MYCBP2: variants seen among roughly 807,000 people sequenced by gnomAD.
The protein encoded by MYCBP2 is MYC binding protein 2.
A neutral mutation model predicts 525.3 loss-of-function variants in MYCBP2; 120 were observed. That is an observed-to-expected ratio of 0.23 (90% CI 0.20 to 0.27). The LOEUF is 0.27. Among genes scored for constraint, MYCBP2 ranks in the 10% least tolerant of loss-of-function variants. The probability of loss-of-function intolerance (pLI) is 1.00; values close to 1 mark genes in which losing one functional copy is unlikely to be tolerated. For synonymous variants in MYCBP2, 1,894 were observed against 1,955.8 expected, an observed-to-expected ratio of 0.97 and a Z score of 0.83; for missense variants, 4,149 against 5,657.1, an observed-to-expected ratio of 0.73 and a Z score of 8.55.
chr13:77,097,354 C>A lies in MYCBP2; in HGVS notation c.9784+16G>T. On this transcript the variant is annotated intron_variant, in intron 56 of 82. Coordinates refer to ENST00000544440, the MANE Select transcript of MYCBP2 (RefSeq NM_015057.5). ...AGAAAAAAGCACTTATACGTACATT[C>A]AACAGTATCATTTACCTGGGTGAGC... is the stretch of plus-strand genomic sequence containing the variant. 2.5e-6 allele frequency: 4 copies of A among 1,581,182 alleles called. No homozygotes were observed. Among genetic ancestry groups the A allele is most frequent in the Non-Finnish European group, 2.6e-6 (3 of 1,168,468 alleles).
intron 32 of MYCBP2, among the ~76,000 whole-genome samples, chr13:77,182,485 C>G (rs1372170707): frequency 1.3e-5 from 2 of 152,178 alleles, no homozygotes; most frequent in African/African-American, 4.8e-5. Context: ...GTACACATTA[C>G]CTAGTCCTTC....
intron 37 of MYCBP2, among the ~76,000 whole-genome samples, chr13:77,172,102 C>T (rs1595111807): frequency 6.6e-6 from 1 of 151,986 alleles, no homozygotes; most frequent in African/African-American, 2.4e-5. Flanking sequence ...GGTTTCACCA[C>T]GTTGGCCAGG....
chr13:77,243,264 T>G (rs2069201227), intron 16 of MYCBP2, 104 bp from the exon 17 acceptor site: 1 of 852,514 alleles, frequency 1.2e-6, no homozygotes, highest in Non-Finnish European at 1.9e-6. Flanking sequence ...GCAAAAACAT[T>G]GTCTAAAACA....
Position 77,082,519 on chromosome 13 carries a change from G to A in MYCBP2, c.11036+513C>T, listed in dbSNP as rs1470313170. Among the ~76,000 whole-genome samples, 3 of 152,106 alleles carry A rather than the reference G, an allele frequency of 2.0e-5. No individual in the cohort carries two copies. The East Asian group carries it at 5.8e-4, about 29-fold the overall frequency. On this transcript the variant is annotated intron_variant, in intron 63 of 82. Transcript: ENST00000544440. ...GAATTTATTTATAAGTGTGAGTCCA[G>A]TATGTGAATCTAGTAACAAGGTTCA...
chr13:77,098,715 T>C lies in MYCBP2; in HGVS notation c.8439A>G (p.Pro2813=), dbSNP rs772068016. 9 of 1,613,420 alleles carry C rather than the reference T, an allele frequency of 5.6e-6. No individual in the cohort carries two copies. The highest frequency in any genetic ancestry group is 6.8e-6 in the Non-Finnish European group (8 of 1,179,696). The stretch of plus-strand genomic sequence containing the variant: ...GAGATGACAACCGAGAACCTGGTCC[T>C]GGGGATTCAGCTCTGGAGCTAGAAG... The part of the protein sequence containing the change: ...RMPSSSRAES[P]GPGSRLSSPK... The change falls in exon 56 of 83, where the codon CCA becomes CCG. Residue 2813 remains proline (P), a synonymous_variant. Coordinates refer to ENST00000544440, the MANE Select transcript of MYCBP2 (RefSeq NM_015057.5).
intron 21 of MYCBP2, among the ~76,000 whole-genome samples, chr13:77,216,513 G>A (rs1359637017): frequency 6.6e-6 from 1 of 152,178 alleles, no homozygotes; most frequent in Non-Finnish European, 1.5e-5. Flanking sequence ...TGATCAAAAT[G>A]TCCATAATCA....
chr13:77,186,964 A>C (rs1446998404), intron 30 of MYCBP2, among the ~76,000 whole-genome samples: 1 of 151,896 alleles, frequency 6.6e-6, no homozygotes, highest in Non-Finnish European at 1.5e-5. Context: ...AGTGCGCACC[A>C]CCATACCCAG....
chr13:77,091,792 G>C (rs904038763), intron 59 of MYCBP2, among the ~76,000 whole-genome samples: 4 of 151,864 alleles, frequency 2.6e-5, no homozygotes, highest in African/African-American at 9.7e-5. Flanking sequence ...CACAATCGTA[G>C]CTCACTGTAA....
rs200479565 is a variant in MYCBP2 at position 77,098,954 on chromosome 13, G to T, written c.8200C>A (p.Leu2734Met). The T allele has an allele frequency of 6.2e-7, 1 of 1,612,600 alleles. No individual in the cohort carries two copies. The highest frequency in any genetic ancestry group is 2.2e-5 in the East Asian group (1 of 44,872). The change falls in exon 56 of 83, where the codon CTG becomes ATG. Residue 2734 changes from leucine to methionine, a missense_variant. Transcript: ENST00000544440. ...AGCGATCTGCTGTGTTTAGAGGACA[G>T]CTCTGATTTTCCTGATGTAGAGGCT... ...KPASTSGKSELSSKHSRSLKP... is the reference protein window; with the variant it reads ...KPASTSGKSEMSSKHSRSLKP...
Position 77,148,382 on chromosome 13 carries a change from G to T in MYCBP2, c.7132-2165C>A, listed in dbSNP as rs573329860. Among the ~76,000 whole-genome samples the T allele has an allele frequency of 3.4e-4, 51 of 152,048 alleles. No individual in the cohort carries two copies. The South Asian group carries it at 0.01, about 31-fold the overall frequency. ...TTTTTTCCAGCCACTCACACCAAAAGTCACAGACCTGTGACATTACTCAGA... is the reference window on the plus strand; with the variant it reads ...TTTTTTCCAGCCACTCACACCAAAATTCACAGACCTGTGACATTACTCAGA... On this transcript the variant is annotated intron_variant, in intron 47 of 82. Transcript: ENST00000544440.
At chr13:77,280,843 A>C (rs1278695045) in intron 3 of MYCBP2, among the ~76,000 whole-genome samples, 1 of 152,218 alleles carries the variant, frequency 6.6e-6, no homozygotes, top group Non-Finnish European at 1.5e-5. Flanking sequence ...AAACACTGTG[A>C]GAGTCTCACT....
At chr13:77,156,239 A>G (rs763905062) in intron 45 of MYCBP2, 37 bp from the exon 46 acceptor site, 1 of 1,576,594 alleles carries the variant, frequency 6.3e-7, no homozygotes, top group Non-Finnish European at 8.6e-7. Flanking sequence ...AAAACCCCAA[A>G]CACTGATCAG....
chr13:77,191,852 A>ACTT, intron 27 of MYCBP2, 39 bp from the exon 28 acceptor site: 2 of 1,595,962 alleles, frequency 1.3e-6, no homozygotes, highest in Non-Finnish European at 1.7e-6. Flanking sequence ...ATATTTTCTT[A>ACTT]CTTCTCTGTC....
Position 77,267,890 on chromosome 13 carries a change from T to C in MYCBP2, c.1308A>G (p.Ile436Met). The C allele has an allele frequency of 2.5e-6, 4 of 1,613,908 alleles. No individual in the cohort carries two copies. Among genetic ancestry groups the C allele is most frequent in the South Asian group, 1.1e-5 (1 of 91,066 alleles). Residue 436 changes from isoleucine (I) to methionine (M), a missense_variant, in exon 8 of 83, where the codon ATA (isoleucine) becomes ATG (methionine). Ile to Met is a conservative substitution (Grantham distance 10). Coordinates refer to ENST00000544440, the MANE Select transcript of MYCBP2 (RefSeq NM_015057.5). ...GCTCCAGTGTTTCAGGGCTTATCCT[T>C]ATGGCTGTCATGCTGTGGTTATTCA... ...RDVNNHSMTA[I>M]RISPETLEQD...
intron 23 of MYCBP2, among the ~76,000 whole-genome samples, chr13:77,210,303 C>T (rs1404219283): frequency 2.0e-5 from 3 of 151,708 alleles, no homozygotes; most frequent in Non-Finnish European, 2.9e-5. Context: ...CGCCATTCTC[C>T]TGCCTCAGCC....
At chr13:77,202,823 G>A (rs1336037293) in intron 26 of MYCBP2, among the ~76,000 whole-genome samples, 1 of 152,144 alleles carries the variant, frequency 6.6e-6, no homozygotes, top group Non-Finnish European at 1.5e-5. Flanking sequence ...ATGCAGAAAA[G>A]GCCTTTGACA....
At chr13:77,289,031 A>G (rs996349880) in intron 2 of MYCBP2, among the ~76,000 whole-genome samples, 1 of 152,140 alleles carries the variant, frequency 6.6e-6, no homozygotes, top group African/African-American at 2.4e-5. Context: ...TACAATTTCA[A>G]GATCAACATT....
intron 23 of MYCBP2, among the ~76,000 whole-genome samples, chr13:77,209,025 A>G (rs1333755986): frequency 6.6e-6 from 1 of 152,212 alleles, no homozygotes; most frequent in Non-Finnish European, 1.5e-5. Context: ...GCCCCATTGA[A>G]AAACACAAAA....
rs1480483310 is a variant in MYCBP2 at position 77,070,577 on chromosome 13, C to A, written c.11904+54G>T. ...AAACAAACAGACAAACAAACAAACA[C>A]ACACACACACACACACAAAACTAAT... On this transcript the variant is annotated intron_variant, in intron 69 of 82. Coordinates refer to ENST00000544440, the MANE Select transcript of MYCBP2 (RefSeq NM_015057.5). The A allele has an allele frequency of 1.6e-5, 19 of 1,204,400 alleles. No individual in the cohort carries two copies. In the African/African-American group the frequency reaches 1.7e-4, roughly 11 times the overall value. The allele number at this position is 1,204,400 out of a possible 1,614,324, so 74.6% of individuals were successfully genotyped here.
Sources: allele counts gnomAD v4.1 joint callset (sites outside exome capture counted in the v4.1 genomes callset), GRCh38; gene constraint gnomAD v4.1.1; transcripts MANE v1.5; gene names NCBI Gene and HGNC (gene_info 2026-07-23, HGNC 2026-07-21).